Variants in USP34 observed in about 807,000 individuals in gnomAD.
USP34 encodes ubiquitin specific peptidase 34.
In USP34, 70 loss-of-function variants were observed where a neutral mutation model predicts 460.3. That is an observed-to-expected ratio of 0.15 (90% CI 0.13 to 0.19). The LOEUF (loss-of-function observed/expected upper bound fraction) is 0.19. Among genes scored for constraint, USP34 ranks in the 10% least tolerant of loss-of-function variants. USP34 has a pLI of 1.00. For synonymous variants in USP34, 1,647 were observed against 1,405.3 expected, an observed-to-expected ratio of 1.17 and a Z score of -3.85; for missense variants, 3,985 against 4,236.2, an observed-to-expected ratio of 0.94 and a Z score of 1.65.
At chr2:61,422,999 A>C (rs1573026349) in intron 1 of USP34, among the ~76,000 whole-genome samples, 2 of 152,234 alleles carry the variant, frequency 1.3e-5, no homozygotes, top group African/African-American at 4.8e-5. Flanking sequence ...TCAGCATTCC[A>C]ACCTGGGTAA....
chr2:61,293,683 A>T (rs1689930920), intron 32 of USP34, 133 bp from the exon 33 acceptor site: 1 of 606,786 alleles, frequency 1.6e-6, no homozygotes, highest in Non-Finnish European at 2.8e-6. Context: ...AAATTACCAA[A>T]ATAATTTCTA....
chr2:61,470,517 C>G (rs1049598029), intron 1 of USP34, 133 bp downstream of exon 1: 86 of 300,006 alleles, frequency 2.9e-4, no homozygotes, highest in African/African-American at 1.9e-3. Context: ...GCGCACCTTC[C>G]CGGGGCGCTA....
intron 1 of USP34, among the ~76,000 whole-genome samples, chr2:61,443,442 G>A (rs1302371253): frequency 1.3e-5 from 2 of 150,594 alleles, no homozygotes; most frequent in Non-Finnish European, 2.9e-5. Flanking sequence ...CAATTATTAC[G>A]TCAATTAAAA....
intron 6 of USP34, among the ~76,000 whole-genome samples, chr2:61,381,345 TTC>T (rs1692969019): frequency 6.6e-6 from 1 of 152,158 alleles, no homozygotes; most frequent in Admixed American, 6.5e-5. Context: ...GTTTCATTTT[TTC>T]TTTTTTTATA....
chr2:61,409,746 G>T (rs1164647503), intron 2 of USP34, among the ~76,000 whole-genome samples: 1 of 151,996 alleles, frequency 6.6e-6, no homozygotes, highest in Non-Finnish European at 1.5e-5. Flanking sequence ...ATAAGTGTTA[G>T]AAAATGAGCA....
chr2:61,219,109 C>A (rs371170962), intron 67 of USP34, among the ~76,000 whole-genome samples: 2 of 152,176 alleles, frequency 1.3e-5, no homozygotes, highest in Non-Finnish European at 2.9e-5. Flanking sequence ...TAAGTATGGA[C>A]TCATGAATAT....
rs188114402 is a variant in USP34 at position 61,432,065 on chromosome 2, G to T, written c.44-11232C>A. Among the ~76,000 whole-genome samples the T allele has an allele frequency of 3.9e-5, 6 of 151,942 alleles. No homozygotes were observed. The East Asian group carries it at 1.2e-3, about 30-fold the overall frequency. ...ATAACAAAAAACAGACCATGGCCAG[G>T]GGTAGCAGCTCACGCCTGTAATCAC... On this transcript the variant is annotated intron_variant, in intron 1 of 79. Coordinates refer to ENST00000398571, the MANE Select transcript of USP34 (RefSeq NM_014709.4).
intron 22 of USP34, among the ~76,000 whole-genome samples, chr2:61,318,959 TTATAAA>T (rs1361050189): frequency 2.6e-5 from 4 of 152,164 alleles, no homozygotes; most frequent in African/African-American, 7.2e-5. Flanking sequence ...TAGAACATTT[TTATAAA>T]TATAAACTAT....
intron 76 of USP34, among the ~76,000 whole-genome samples, chr2:61,192,559 G>A (rs1436244570): frequency 6.6e-6 from 1 of 152,216 alleles, no homozygotes; most frequent in Non-Finnish European, 1.5e-5. Context: ...GAGACAGGGA[G>A]GTGAAGGAGA....
chr2:61,273,910 C>T (rs1047656970), intron 41 of USP34, among the ~76,000 whole-genome samples: 2 of 151,946 alleles, frequency 1.3e-5, no homozygotes, highest in African/African-American at 4.8e-5. Flanking sequence ...TAACTGGGTA[C>T]ATATCTGAAA....
chr2:61,300,948 C>A lies in USP34; in HGVS notation c.4128+3G>T. 1.3e-6 allele frequency: 2 copies of A among 1,591,150 alleles called. No homozygotes were observed. The highest frequency in any genetic ancestry group is 2.3e-5 in the South Asian group (2 of 87,798). On this transcript the variant is annotated splice_donor_region_variant and intron_variant, in intron 29 of 79. Coordinates refer to ENST00000398571, the MANE Select transcript of USP34 (RefSeq NM_014709.4). Reference sequence around the variant, plus strand: ...AAGATTTGTGAAAATGAAACATAGTCACCTCACTATCATCCACTGCCACTT... The same window carrying A: ...AAGATTTGTGAAAATGAAACATAGTAACCTCACTATCATCCACTGCCACTT...
intron 33 of USP34, among the ~76,000 whole-genome samples, chr2:61,290,303 C>T (rs1263397894): frequency 6.6e-6 from 1 of 152,128 alleles, no homozygotes; most frequent in Non-Finnish European, 1.5e-5. Flanking sequence ...GTTAATCTTA[C>T]ACTTACCATA....
chr2:61,450,550 G>A (rs1164297968), intron 1 of USP34, among the ~76,000 whole-genome samples: 1 of 151,862 alleles, frequency 6.6e-6, no homozygotes, highest in Non-Finnish European at 1.5e-5. Flanking sequence ...TCACTTGAGG[G>A]CAGGAGTTTG....
At chr2:61,455,904 G>C (rs1379336484) in intron 1 of USP34, among the ~76,000 whole-genome samples, 1 of 152,104 alleles carries the variant, frequency 6.6e-6, no homozygotes, top group African/African-American at 2.4e-5. Flanking sequence ...AGGGAACTTA[G>C]CCAAAGTCAG....
In USP34 at chr2:61,405,697, AT is replaced by A. The variant is rs1485157639; in HGVS notation, c.552+10del. 33 of 1,514,708 alleles carry A rather than the reference AT, an allele frequency of 2.2e-5. No homozygotes were observed. Among genetic ancestry groups the A allele is most frequent in the Non-Finnish European group, 2.9e-5 (33 of 1,135,400 alleles). 93.8% of individuals were successfully genotyped at this position (1,514,708 alleles called of 1,614,324 possible). A position where few individuals can be genotyped will look rare whatever the true frequency, so the allele number is the denominator to read the frequency against. On this transcript the variant is annotated intron_variant, in intron 3 of 79. Transcript: ENST00000398571. ...GTATTACTTAAAATTCACACCACCTATTTTACATACCTCAATAGTAGGGTGA... is the reference window on the plus strand; with the variant it reads ...GTATTACTTAAAATTCACACCACCTATTTACATACCTCAATAGTAGGGTGA...
At chr2:61,334,837 A>T (rs1691369760) in intron 18 of USP34, among the ~76,000 whole-genome samples, 1 of 152,146 alleles carries the variant, frequency 6.6e-6, no homozygotes, top group Middle Eastern at 3.2e-3. Flanking sequence ...ACCCTAAAGG[A>T]ATGCTTTTCT....
chr2:61,229,010 A>C lies in USP34; in HGVS notation c.7200-15T>G, dbSNP rs1687808570. The C allele has an allele frequency of 6.5e-7, 1 of 1,535,970 alleles. No homozygotes were observed. ...TATCATCTGACCTAAGAGACAATTA[A>C]ATAGATCTTAGAGAATGTATGAGGT... On this transcript the variant is annotated splice_polypyrimidine_tract_variant and intron_variant, in intron 59 of 79. Coordinates refer to ENST00000398571, the MANE Select transcript of USP34 (RefSeq NM_014709.4).
At chr2:61,414,286 AGT>A (rs1178473820) in intron 2 of USP34, among the ~76,000 whole-genome samples, 1 of 148,774 alleles carries the variant, frequency 6.7e-6, no homozygotes, top group African/African-American at 2.5e-5. Flanking sequence ...AAAAAAAAAG[AGT>A]ATGAAGGAAA....
At chr2:61,277,042 T>C (rs1689392739) in intron 41 of USP34, among the ~76,000 whole-genome samples, 2 of 152,110 alleles carry the variant, frequency 1.3e-5, no homozygotes, top group Non-Finnish European at 2.9e-5. Context: ...AATGAGACAT[T>C]TGTTGGTTCA....
Sources: gnomAD v4.1 joint callset for allele counts (sites outside exome capture counted in the v4.1 genomes callset) on GRCh38, gnomAD v4.1.1 for gene constraint, MANE v1.5 for transcripts, NCBI Gene and HGNC (gene_info 2026-07-23, HGNC 2026-07-21) for gene names.